The following LOC400499 variants were observed in gnomAD, a reference collection of about 807,000 sequenced individuals.
chr16:11,376,700 A>C, the LOC400499 span, among the ~76,000 whole-genome samples: 1 of 152,224 alleles, frequency 6.6e-6, no homozygotes, highest in Admixed American at 6.5e-5. Context: ...TATCAACTTT[A>C]GGATGGATTT....
chr16:11,446,789 G>C, the LOC400499 span: 1 of 1,536,172 alleles, frequency 6.5e-7, no homozygotes, highest in Non-Finnish European at 8.7e-7. Context: ...ATGGTCTGCA[G>C]GGTTTCCTCT....
chr16:11,382,504 G>A, the LOC400499 span, among the ~76,000 whole-genome samples: 3 of 152,208 alleles, frequency 2.0e-5, no homozygotes, highest in African/African-American at 4.8e-5. Context: ...GGTAGCTGGT[G>A]TTAGAACTGA....
At chr16:11,423,758 G>A in the LOC400499 span, among the ~76,000 whole-genome samples, 3 of 152,182 alleles carry the variant, frequency 2.0e-5, no homozygotes, top group Non-Finnish European at 2.9e-5. Context: ...CCAGGGTAGG[G>A]GCCCCAGGGA....
chr16:11,525,990 A>T, the LOC400499 span, among the ~76,000 whole-genome samples: 8 of 152,142 alleles, frequency 5.3e-5, no homozygotes, highest in Non-Finnish European at 7.3e-5. Context: ...CAGCAAATGA[A>T]ATCAAGTCCC....
the LOC400499 span, among the ~76,000 whole-genome samples, chr16:11,386,619 G>A: frequency 1.1e-4 from 17 of 152,208 alleles, no homozygotes; most frequent in Non-Finnish European, 2.4e-4. Context: ...AGCGAGCCAC[G>A]TTGTTACCTA....
the LOC400499 span, among the ~76,000 whole-genome samples, chr16:11,512,930 C>G: frequency 2.0e-5 from 3 of 152,110 alleles, no homozygotes; most frequent in South Asian, 2.1e-4. Flanking sequence ...AAGGTCCCAT[C>G]TAGTGGGTTC....
the LOC400499 span, chr16:11,385,388 G>A: frequency 2.7e-5 from 33 of 1,232,284 alleles, no homozygotes; most frequent in Admixed American, 4.2e-5. Flanking sequence ...AGGTCACCAC[G>A]TGCTGGGCCC....
chr16:11,473,960 G>A, the LOC400499 span, among the ~76,000 whole-genome samples: 51,887 of 151,942 alleles, frequency 0.34, 9,731 homozygotes, highest in African/African-American at 0.47. Flanking sequence ...GGCTCAAGCG[G>A]ACTTCCTGTC....
At chr16:11,492,912 G>C in the LOC400499 span, among the ~76,000 whole-genome samples, 9 of 152,222 alleles carry the variant, frequency 5.9e-5, no homozygotes, top group Non-Finnish European at 1.2e-4. Context: ...ACCTCACAGT[G>C]AAAGTGCCTT....
chr16:11,502,068 G>A, the LOC400499 span: 1 of 399,084 alleles, frequency 2.5e-6, no homozygotes, highest in Non-Finnish European at 4.4e-6. Flanking sequence ...ACCCGGAGAG[G>A]GACCTTACCC....
chr16:11,513,230 C>G, the LOC400499 span, among the ~76,000 whole-genome samples: 24 of 109,284 alleles, frequency 2.2e-4, no homozygotes, highest in African/African-American at 7.0e-4. Flanking sequence ...ATAGTGAAAC[C>G]CTGTCTCAAC....
At chr16:11,401,975 G>T in the LOC400499 span, 2 of 398,916 alleles carry the variant, frequency 5.0e-6, no homozygotes, top group African/African-American at 4.1e-5. Context: ...CAAAGACCCC[G>T]CTCAGCCTGC....
the LOC400499 span, among the ~76,000 whole-genome samples, chr16:11,407,518 T>C: frequency 6.6e-6 from 1 of 152,246 alleles, no homozygotes; most frequent in Non-Finnish European, 1.5e-5. Context: ...GTTTGGAGCC[T>C]CAGGTTAGGC....
chr16:11,377,217 C>G, the LOC400499 span, among the ~76,000 whole-genome samples: 1 of 152,198 alleles, frequency 6.6e-6, no homozygotes, highest in Non-Finnish European at 1.5e-5. Flanking sequence ...GAAACTTTGA[C>G]AAATTATTAG....
the LOC400499 span, among the ~76,000 whole-genome samples, chr16:11,413,693 G>A: frequency 8.5e-5 from 13 of 152,174 alleles, no homozygotes; most frequent in African/African-American, 2.9e-4. Context: ...TGATGATGAC[G>A]ATAATAATCA....
the LOC400499 span, among the ~76,000 whole-genome samples, chr16:11,484,606 G>A: frequency 6.6e-6 from 1 of 152,178 alleles, no homozygotes; most frequent in Non-Finnish European, 1.5e-5. Context: ...TGGTCTGGGT[G>A]CTGGTGACAT....
chr16:11,496,363 G>A, the LOC400499 span, among the ~76,000 whole-genome samples: 17 of 152,152 alleles, frequency 1.1e-4, no homozygotes, highest in African/African-American at 2.9e-4. Context: ...CACCACGCCC[G>A]AGCTGCCCAG....
chr16:11,453,692 G>C, the LOC400499 span, among the ~76,000 whole-genome samples: 39 of 152,186 alleles, frequency 2.6e-4, no homozygotes, highest in African/African-American at 8.9e-4. Flanking sequence ...AGGAGGCCAG[G>C]TGCGGTGGCC....
the LOC400499 span, among the ~76,000 whole-genome samples, chr16:11,429,660 G>A: frequency 6.6e-6 from 1 of 151,992 alleles, no homozygotes; most frequent in African/African-American, 2.4e-5. Context: ...TTTCAGTAGC[G>A]ACGGGGTTTC....
Sources: allele counts gnomAD v4.1 joint callset (sites outside exome capture counted in the v4.1 genomes callset), GRCh38; gene constraint gnomAD v4.1.1; transcripts MANE v1.5.